Variants in TRIM67 observed in about 807,000 individuals in gnomAD.
TRIM67 encodes tripartite motif containing 67, also known as tripartite motif-containing protein 67.
In TRIM67, 39 loss-of-function variants were observed where a neutral mutation model predicts 71.0. That is an observed-to-expected ratio of 0.55 (90% CI 0.43 to 0.72). The LOEUF (loss-of-function observed/expected upper bound fraction) is 0.72. Among genes scored for constraint, TRIM67 ranks in the 30% least tolerant of loss-of-function variants. TRIM67 has a pLI of 0.00. For missense variants in TRIM67, 973 were observed against 1,079.2 expected, an observed-to-expected ratio of 0.90 and a Z score of 1.38; for synonymous variants, 481 against 473.9, an observed-to-expected ratio of 1.01 and a Z score of -0.19.
intron 8 of TRIM67, 53 bp from the exon 9 acceptor site, chr1:231,213,762 C>G (rs994019233): frequency 6.6e-7 from 1 of 1,520,932 alleles, no homozygotes; most frequent in Middle Eastern, 1.8e-4. Flanking sequence ...TGAGTTATCA[C>G]CTACATCCCA....
At chr1:231,206,843 G>A (rs1683716575) in intron 7 of TRIM67, 53 bp downstream of exon 7, 3 of 1,507,712 alleles carry the variant, frequency 2.0e-6, no homozygotes, top group Admixed American at 4.1e-5. Context: ...TTTATCCAGT[G>A]ACAACCAGAC....
At chr1:231,168,065 G>A (rs184482106) in intron 1 of TRIM67, among the ~76,000 whole-genome samples, 2 of 151,718 alleles carry the variant, frequency 1.3e-5, no homozygotes, top group African/African-American at 4.8e-5. Context: ...GGGCTCAAAC[G>A]ATCCTCCCAC....
chr1:231,213,790 G>A lies in TRIM67; in HGVS notation c.2124-25G>A, dbSNP rs114902472. ...ACATCCCAGGCTGGGTGTGGTGATG[G>A]TCTTCCTGGGGACTCTCTTCCCAGG... On this transcript the variant is annotated intron_variant, in intron 8 of 9. Coordinates refer to ENST00000366653, the MANE Select transcript of TRIM67 (RefSeq NM_001004342.5). 617 of 1,552,650 alleles carry A rather than the reference G, an allele frequency of 4.0e-4. 2 individuals carry two copies. The African/African-American group carries it at 7.2e-3, about 18-fold the overall frequency.
chr1:231,193,357 C>T (rs974434084), intron 1 of TRIM67, among the ~76,000 whole-genome samples: 1 of 152,138 alleles, frequency 6.6e-6, no homozygotes. Context: ...CTTCCAAATT[C>T]ATACGTTGAC....
At chr1:231,185,060 G>T (rs1313331297) in intron 1 of TRIM67, 29 of 1,532,796 alleles carry the variant, frequency 1.9e-5, no homozygotes, top group Non-Finnish European at 2.4e-5. Context: ...GAGCTGAGCT[G>T]GTGCCTGGAC....
intron 7 of TRIM67, 126 bp from the exon 8 acceptor site, chr1:231,208,821 A>G (rs1217361836): frequency 2.4e-6 from 2 of 846,012 alleles, no homozygotes; most frequent in East Asian, 2.5e-5. Context: ...TCATACAGGA[A>G]AGACCCTTCA....
intron 1 of TRIM67, among the ~76,000 whole-genome samples, chr1:231,192,868 G>A (rs1016977900): frequency 2.6e-5 from 4 of 152,238 alleles, no homozygotes; most frequent in Admixed American, 1.3e-4. Flanking sequence ...CCGCTGAACC[G>A]TGAGACTGTC....
intron 1 of TRIM67, among the ~76,000 whole-genome samples, chr1:231,187,134 A>G (rs1220613067): frequency 6.6e-6 from 1 of 152,154 alleles, no homozygotes; most frequent in Non-Finnish European, 1.5e-5. Flanking sequence ...ATCCCTCTTT[A>G]TATTTCACCT....
chr1:231,188,595 C>T (rs1683149669), intron 1 of TRIM67, among the ~76,000 whole-genome samples: 1 of 152,196 alleles, frequency 6.6e-6, no homozygotes, highest in Non-Finnish European at 1.5e-5. Context: ...GTGCAAAGAG[C>T]ATCGACTTTG....
At chr1:231,214,915 T>G (rs568760520) in intron 9 of TRIM67, among the ~76,000 whole-genome samples, 16 of 151,886 alleles carry the variant, frequency 1.1e-4, no homozygotes, top group African/African-American at 3.6e-4. Flanking sequence ...GCCTGGGGAA[T>G]GAACAAGACA....
chr1:231,163,367 C>A lies in TRIM67; in HGVS notation c.398C>A (p.Ala133Glu). Residue 133 changes from alanine (A) to glutamate (E), a missense_variant, in exon 1 of 10, where the codon GCA becomes GAA. Physicochemically the swap from Ala to Glu is moderately radical, Grantham distance 107 (BLOSUM62 -1). This residue lies in a region of TRIM67 where 795 missense variants were observed against 831.3 expected (regional missense o/e 0.96). Transcript: ENST00000366653. ...NGVRVLPMVP[A>E]PPGSSAAAAR... ...GTTCGCGTGCTGCCCATGGTGCCCG[C>A]ACCACCCGGCTCCTCGGCTGCGGCG... 6.5e-7 allele frequency: 1 copy of A among 1,534,156 alleles called. No individual in the cohort carries two copies.
intron 1 of TRIM67, among the ~76,000 whole-genome samples, chr1:231,171,071 C>T (rs1034626362): frequency 1.3e-5 from 2 of 152,166 alleles, no homozygotes; most frequent in African/African-American, 4.8e-5. Context: ...AATGGGACTG[C>T]TTTTAGAGCT....
At chr1:231,189,624 C>T (rs1303447804) in intron 1 of TRIM67, among the ~76,000 whole-genome samples, 3 of 152,088 alleles carry the variant, frequency 2.0e-5, no homozygotes, top group African/African-American at 7.2e-5. Context: ...AAGATCAGTG[C>T]CTAGCAGATT....
chr1:231,185,254 C>A lies in TRIM67; in HGVS notation c.1045-12117C>A, dbSNP rs1427277131. ...AAAACTCCCTGTGAGAAAGGAGTCT[C>A]CCCTCACCCCTGGACCAGCTCTCCC... On this transcript the variant is annotated intron_variant, in intron 1 of 9. Transcript: ENST00000366653. The A allele has an allele frequency of 7.9e-6, 12 of 1,525,658 alleles. No individual in the cohort carries two copies. The African/African-American group carries it at 1.4e-4, about 18-fold the overall frequency. The allele number at this position is 1,525,658 out of a possible 1,614,324, so 94.5% of individuals were successfully genotyped here.
At chr1:231,192,502 G>A (rs1029036234) in intron 1 of TRIM67, among the ~76,000 whole-genome samples, 1 of 152,088 alleles carries the variant, frequency 6.6e-6, no homozygotes, top group Non-Finnish European at 1.5e-5. Context: ...AAAAAAAATC[G>A]TTTGTTCTTT....
At chr1:231,205,799 G>C (rs918922224) in intron 6 of TRIM67, among the ~76,000 whole-genome samples, 3 of 152,008 alleles carry the variant, frequency 2.0e-5, no homozygotes, top group African/African-American at 7.2e-5. Context: ...CCTTTGGAAA[G>C]ACCAGAAAAC....
chr1:231,187,732 T>C, intron 1 of TRIM67: 1 of 637,218 alleles, frequency 1.6e-6, no homozygotes, highest in Non-Finnish European at 2.7e-6. Flanking sequence ...GGAAGCCACG[T>C]GGCTGGGTAG....
chr1:231,163,284 C>T lies in TRIM67; in HGVS notation c.315C>T (p.Tyr105=), dbSNP rs1191823767. Residue 105 remains tyrosine (Y), a synonymous_variant, in exon 1 of 10, where the codon TAC becomes TAT. Transcript: ENST00000366653. ...GGDHADKLSL[Y]SETDSGYGSY... is the part of the protein sequence containing the mutation. ...ACCACGCGGACAAGCTCAGCTTGTA[C>T]AGCGAGACAGACAGCGGCTACGGGT... 2 of 1,518,396 alleles carry T rather than the reference C, an allele frequency of 1.3e-6. No individual in the cohort carries two copies. Among genetic ancestry groups the T allele is most frequent in the Non-Finnish European group, 8.8e-7 (1 of 1,132,774 alleles). The allele number at this position is 1,518,396 out of a possible 1,614,324, so 94.1% of individuals were successfully genotyped here. A position where few individuals can be genotyped will look rare whatever the true frequency, so the allele number is the denominator to read the frequency against.
intron 7 of TRIM67, among the ~76,000 whole-genome samples, chr1:231,208,537 G>A (rs111752818): frequency 1.3e-5 from 2 of 151,792 alleles, no homozygotes; most frequent in South Asian, 2.1e-4. Context: ...GTCTCAAACC[G>A]CTGACCTGAG....
Sources: gnomAD v4.1 joint callset for allele counts (sites outside exome capture counted in the v4.1 genomes callset) on GRCh38, gnomAD v4.1.1 for gene constraint, gnomAD v4.1.1 regional missense constraint, MANE v1.5 for transcripts, NCBI Gene and HGNC (gene_info 2026-07-23, HGNC 2026-07-21) for gene names.